Variants in GABRA3 observed in about 807,000 individuals in gnomAD.
GABRA3 encodes gamma-aminobutyric acid receptor subunit alpha-3.
Under a neutral mutation model 30.1 loss-of-function variants are expected in GABRA3, and 10 were observed. The observed-to-expected ratio is 0.33, with a 90% CI of 0.20 to 0.56. GABRA3 has a LOEUF of 0.56. Ranked by LOEUF, GABRA3 falls within the 20% of genes least tolerant of loss-of-function variation. The pLI is 0.89. For synonymous variants in GABRA3, 151 were observed against 146.8 expected (o/e 1.03, Z -0.21); for missense variants, 233 against 392.0 (o/e 0.59, Z 3.42).
chrX:152,225,661 C>T (rs2124382422), intron 5 of GABRA3, among the ~76,000 whole-genome samples: 1 of 108,882 alleles, frequency 9.2e-6, no homozygotes, highest in South Asian at 4.0e-4. Flanking sequence ...TAGTCTATTT[C>T]AAGGTTTCCC....
intron 2 of GABRA3, among the ~76,000 whole-genome samples, chrX:152,354,104 G>T (rs2201171): frequency 0.22 from 24,790 of 110,557 alleles, 2,640 homozygotes; most frequent in African/African-American, 0.43. Context: ...TAAATATTCA[G>T]GTATGTAAAA....
intron 4 of GABRA3, among the ~76,000 whole-genome samples, chrX:152,257,802 G>T (rs1317974803): frequency 8.9e-6 from 1 of 112,258 alleles, no homozygotes. Context: ...AAGGAAGAGG[G>T]AGGAGTTGAG....
intron 8 of GABRA3, among the ~76,000 whole-genome samples, chrX:152,195,100 C>A (rs779271393): frequency 1.8e-5 from 2 of 112,013 alleles, no homozygotes; most frequent in Admixed American, 1.9e-4. Flanking sequence ...ATTGGCTATT[C>A]TTGCTTTTTT....
At chrX:152,234,241 A>T (rs1186048839) in intron 5 of GABRA3, among the ~76,000 whole-genome samples, 3 of 111,074 alleles carry the variant, frequency 2.7e-5, no homozygotes, top group Non-Finnish European at 5.7e-5. Flanking sequence ...CCTCAAAAAA[A>T]ATAAATAAAA....
intron 1 of GABRA3, among the ~76,000 whole-genome samples, chrX:152,409,404 G>C (rs937725762): frequency 3.6e-5 from 4 of 111,183 alleles, no homozygotes; most frequent in African/African-American, 1.3e-4. Context: ...TCTAAGATAT[G>C]AAACTATAAA....
At chrX:152,397,036 C>T (rs1360549171) in intron 1 of GABRA3, among the ~76,000 whole-genome samples, 1 of 111,656 alleles carries the variant, frequency 9.0e-6, no homozygotes, top group Non-Finnish European at 1.9e-5. Context: ...GAAAGATAAC[C>T]ATAGAATCAC....
At chrX:152,233,962 C>T (rs1164594127) in intron 5 of GABRA3, among the ~76,000 whole-genome samples, 10 of 102,829 alleles carry the variant, frequency 9.7e-5, no homozygotes, top group East Asian at 3.2e-4. Flanking sequence ...AACCAAACAC[C>T]GCATATTCTC....
At chrX:152,169,312 C>T (rs962509147) in intron 9 of GABRA3, among the ~76,000 whole-genome samples, 9 of 112,233 alleles carry the variant, frequency 8.0e-5, no homozygotes, top group African/African-American at 2.6e-4. Context: ...AGCTCAGGAG[C>T]GGGCCAAGGC....
At chrX:152,227,085 A>G (rs1937972695) in intron 5 of GABRA3, among the ~76,000 whole-genome samples, 1 of 110,308 alleles carries the variant, frequency 9.1e-6, no homozygotes. Context: ...ATGCACACGT[A>G]TGTTTATTGT....
chrX:152,270,670 C>T (rs1030228633), intron 4 of GABRA3, among the ~76,000 whole-genome samples: 2 of 110,166 alleles, frequency 1.8e-5, no homozygotes, highest in African/African-American at 6.6e-5. Context: ...GCCTGGCCAA[C>T]GTGGTGAAAC....
chrX:152,426,349 C>G (rs5970304), intron 1 of GABRA3, among the ~76,000 whole-genome samples: 1 of 110,708 alleles, frequency 9.0e-6, no homozygotes, highest in African/African-American at 3.3e-5. Context: ...GGAAGCTGCA[C>G]AAGTGATAGA....
intron 1 of GABRA3, among the ~76,000 whole-genome samples, chrX:152,428,573 A>T (rs1291660768): frequency 8.9e-6 from 1 of 111,799 alleles, no homozygotes; most frequent in Non-Finnish European, 1.9e-5. Context: ...GCCCCCACTG[A>T]GCATATAACC....
At chrX:152,359,118 T>A (rs1731469029) in intron 2 of GABRA3, among the ~76,000 whole-genome samples, 1 of 111,898 alleles carries the variant, frequency 8.9e-6, no homozygotes, top group African/African-American at 3.2e-5. Context: ...TTTGGAATAG[T>A]TGCAGTAGGA....
chrX:152,331,901 A>G (rs191653576), intron 3 of GABRA3, among the ~76,000 whole-genome samples: 31 of 111,896 alleles, frequency 2.8e-4, no homozygotes, highest in Middle Eastern at 4.7e-3. Flanking sequence ...TTTAATATAT[A>G]CCTAATTAAT....
intron 1 of GABRA3, among the ~76,000 whole-genome samples, chrX:152,371,577 T>C (rs1218697016): frequency 9.0e-6 from 1 of 110,914 alleles, no homozygotes; most frequent in African/African-American, 3.3e-5. Flanking sequence ...TGCAATATCA[T>C]CGATCATTTT....
intron 8 of GABRA3, 41 bp downstream of exon 8, chrX:152,197,592 A>G: frequency 8.8e-7 from 1 of 1,136,714 alleles, no homozygotes; most frequent in South Asian, 2.2e-5. Flanking sequence ...GTGACTCTGC[A>G]TGATAAGACT....
At chrX:152,261,989 C>T (rs184304304) in intron 4 of GABRA3, among the ~76,000 whole-genome samples, 79 of 112,639 alleles carry the variant, frequency 7.0e-4, no homozygotes, top group African/African-American at 2.4e-3. Context: ...TCCCAAATCT[C>T]AATTCTTGAC....
At chrX:152,307,764 T>A (rs919427832) in intron 3 of GABRA3, among the ~76,000 whole-genome samples, 1 of 111,378 alleles carries the variant, frequency 9.0e-6, no homozygotes, top group African/African-American at 3.3e-5. Context: ...GAGTAACTCA[T>A]GGAGAAGGGG....
intron 7 of GABRA3, among the ~76,000 whole-genome samples, chrX:152,203,977 A>G (rs947502351): frequency 8.9e-6 from 1 of 112,126 alleles, no homozygotes; most frequent in Non-Finnish European, 1.9e-5. Flanking sequence ...AACTGAGTGT[A>G]TATTTTAATC....
Sources: gnomAD v4.1 joint callset for allele counts (sites outside exome capture counted in the v4.1 genomes callset) on GRCh38, gnomAD v4.1.1 for gene constraint, MANE v1.5 for transcripts, NCBI Gene and HGNC (gene_info 2026-07-23, HGNC 2026-07-21) for gene names.